The following ENDOD1 variants were observed in gnomAD, a reference collection of about 807,000 sequenced individuals.
The protein encoded by ENDOD1 is endonuclease domain-containing 1 protein.
Under a neutral mutation model 6.5 loss-of-function variants are expected in ENDOD1, and 9 were observed. The ratio of observed to expected loss-of-function variants is 1.39; its 90% CI spans 0.84 to 2.43. The LOEUF is 2.43. Ranked by LOEUF, ENDOD1 falls within the 30% of genes most tolerant of loss-of-function variation. The pLI is 0.00. For missense variants in ENDOD1, 648 were observed against 635.5 expected (o/e 1.02, Z -0.21); for synonymous variants, 255 against 255.2 (o/e 1.00, Z 0.01).
At chr11:95,100,291 A>G (rs1859025501) in intron 1 of ENDOD1, among the ~76,000 whole-genome samples, 1 of 151,968 alleles carries the variant, frequency 6.6e-6, no homozygotes, top group African/African-American at 2.4e-5. Context: ...GTTCTCCTCT[A>G]TCCTTTCTCT....
rs1390291828 is a variant in ENDOD1 at position 95,129,227 on chromosome 11, T to C, written c.1151T>C (p.Ile384Thr). 4 of 1,614,074 alleles carry C rather than the reference T, an allele frequency of 2.5e-6. No individual in the cohort carries two copies. The African/African-American group carries it at 5.3e-5, about 22-fold the overall frequency. ...SCLYRLGSAT[I>T]SYFMAIGEEL... Reference sequence around the variant, plus strand: ...CTTTACCGCCTGGGCTCAGCCACCATCTCATACTTCATGGCCATTGGGGAA... The same window carrying C: ...CTTTACCGCCTGGGCTCAGCCACCACCTCATACTTCATGGCCATTGGGGAA... Residue 384 changes from isoleucine (I) to threonine (T), a missense_variant, in exon 2 of 2, where the codon ATC (isoleucine) becomes ACC (threonine). Ile to Thr is a moderately conservative substitution (Grantham distance 89). Coordinates refer to ENST00000278505, the MANE Select transcript of ENDOD1 (RefSeq NM_015036.3).
At position 95,128,434 on chromosome 11, in the gene ENDOD1, T is replaced by C. The variant is rs369151620; in HGVS notation, c.358T>C (p.Ser120Pro). ...GATTAATGAGGCAGAGGCCATCACCTCTGTGAACAGCCTGGGAAGCAAGCA... is the reference window on the plus strand; with the variant it reads ...GATTAATGAGGCAGAGGCCATCACCCCTGTGAACAGCCTGGGAAGCAAGCA... ...EAINEAEAITSVNSLGSKQAL... is the reference protein window; with the variant it reads ...EAINEAEAITPVNSLGSKQAL... Residue 120 changes from serine to proline, a missense_variant, in exon 2 of 2, where the codon TCT (serine) becomes CCT (proline). Coordinates refer to ENST00000278505, the MANE Select transcript of ENDOD1 (RefSeq NM_015036.3). The C allele has an allele frequency of 2.0e-5, 32 of 1,614,082 alleles. No individual in the cohort carries two copies. Among genetic ancestry groups the C allele is most frequent in the Non-Finnish European group, 2.7e-5 (32 of 1,180,024 alleles).
Position 95,103,100 on chromosome 11 carries a change from G to A in ENDOD1, c.300+12873G>A, listed in dbSNP as rs674973. ...GGAAGCTAAGGAACTAGGCAGAGTG[G>A]GTGTGTGTGTGTGTGTGTGTGTGTG... On this transcript the variant is annotated intron_variant, in intron 1 of 1. Transcript: ENST00000278505. Among the ~76,000 whole-genome samples, 115 of 85,614 alleles carry A rather than the reference G, an allele frequency of 1.3e-3. 1 individual carries two copies. Among genetic ancestry groups the A allele is most frequent in the Non-Finnish European group, 2.9e-3 (98 of 33,504 alleles). 56.2% of individuals were successfully genotyped at this position (85,614 alleles called of 152,430 possible).
intron 1 of ENDOD1, among the ~76,000 whole-genome samples, chr11:95,092,880 C>A (rs1858944590): frequency 6.6e-6 from 1 of 152,232 alleles, no homozygotes; most frequent in African/African-American, 2.4e-5. Flanking sequence ...AATGCTGAGT[C>A]TCCTTGTACC....
chr11:95,115,232 A>G (rs1555112367), intron 1 of ENDOD1, among the ~76,000 whole-genome samples: 2 of 151,672 alleles, frequency 1.3e-5, no homozygotes, highest in African/African-American at 2.4e-5. Context: ...AATCCTAGGT[A>G]TTTACTTTGA....
intron 1 of ENDOD1, among the ~76,000 whole-genome samples, chr11:95,109,150 C>T (rs1303982176): frequency 1.3e-5 from 2 of 152,226 alleles, no homozygotes; most frequent in African/African-American, 2.4e-5. Flanking sequence ...TTTGTCCCCA[C>T]GGAGTTGGAT....
At chr11:95,102,650 T>C (rs1859052019) in intron 1 of ENDOD1, among the ~76,000 whole-genome samples, 1 of 151,842 alleles carries the variant, frequency 6.6e-6, no homozygotes, top group East Asian at 1.9e-4. Context: ...CCAGCCTGGC[T>C]GACAGAGCAA....
intron 1 of ENDOD1, among the ~76,000 whole-genome samples, chr11:95,110,286 T>C (rs1336356181): frequency 6.6e-6 from 1 of 152,238 alleles, no homozygotes; most frequent in African/African-American, 2.4e-5. Context: ...CAGAAGACGC[T>C]GACTCTTCTC....
intron 1 of ENDOD1, among the ~76,000 whole-genome samples, chr11:95,121,857 A>G (rs1208478842): frequency 2.0e-5 from 3 of 152,218 alleles, no homozygotes; most frequent in Admixed American, 6.5e-5. Context: ...GAATACAGGA[A>G]CTGTATCAAA....
intron 1 of ENDOD1, among the ~76,000 whole-genome samples, chr11:95,099,984 C>T (rs371365427): frequency 4.6e-5 from 7 of 152,126 alleles, no homozygotes; most frequent in South Asian, 2.1e-4. Context: ...TCTCGGGACA[C>T]GCAGAAACAC....
At chr11:95,127,802 C>T (rs1859325688) in intron 1 of ENDOD1, among the ~76,000 whole-genome samples, 2 of 151,742 alleles carry the variant, frequency 1.3e-5, no homozygotes, top group Admixed American at 6.6e-5. Flanking sequence ...CTCTGTTGCC[C>T]CGGCTGGAGT....
At chr11:95,094,525 G>T (rs1159988288) in intron 1 of ENDOD1, among the ~76,000 whole-genome samples, 2 of 152,194 alleles carry the variant, frequency 1.3e-5, no homozygotes, top group African/African-American at 4.8e-5. Flanking sequence ...TGGAATGAAG[G>T]GGATATTCTG....
At chr11:95,094,695 G>A (rs1858966644) in intron 1 of ENDOD1, among the ~76,000 whole-genome samples, 1 of 152,182 alleles carries the variant, frequency 6.6e-6, no homozygotes, top group African/African-American at 2.4e-5. Flanking sequence ...TGTTCAATTT[G>A]TTCCAACCTC....
rs953535823 is a variant in ENDOD1, at chr11:95,128,422, G to C, written c.346G>C (p.Glu116Gln). Residue 116 changes from glutamate to glutamine, a missense_variant, in exon 2 of 2, where the codon GAG becomes CAG. Transcript: ENST00000278505. The stretch of plus-strand genomic sequence containing the variant: ...CCTTGAGGAGGCGATTAATGAGGCA[G>C]AGGCCATCACCTCTGTGAACAGCCT... Reference protein sequence around the residue: ...SNLEEAINEAEAITSVNSLGS... With the variant: ...SNLEEAINEAQAITSVNSLGS... 1.9e-6 allele frequency: 3 copies of C among 1,614,044 alleles called. No individual in the cohort carries two copies. The highest frequency in any genetic ancestry group is 1.7e-5 in the Admixed American group (1 of 60,012).
intron 1 of ENDOD1, among the ~76,000 whole-genome samples, chr11:95,114,011 C>T (rs147733749): frequency 1.3e-5 from 2 of 152,306 alleles, no homozygotes; most frequent in African/African-American, 2.4e-5. Flanking sequence ...TTGCATTTCT[C>T]TGATGGTTGA....
rs1555109615 is a variant in ENDOD1 at position 95,089,960 on chromosome 11, C to T, written c.33C>T (p.Ser11=). The part of the protein sequence containing the change: MGTARWLALG[S]LFALAGLLEG... ...CCGCGCGCTGGCTCGCGCTGGGCAG[C>T]CTCTTCGCCCTGGCTGGGCTGCTGG... The change falls in exon 1 of 2, where the codon AGC becomes AGT. Residue 11 remains serine, a synonymous_variant. Transcript: ENST00000278505. The T allele has an allele frequency of 1.3e-6, 2 of 1,509,354 alleles. No individual in the cohort carries two copies. The highest frequency in any genetic ancestry group is 1.2e-5 in the South Asian group (1 of 80,110). The allele number at this position is 1,509,354 out of a possible 1,614,324, so 93.5% of individuals were successfully genotyped here. A position where few individuals can be genotyped will look rare whatever the true frequency, so the allele number is the denominator to read the frequency against.
intron 1 of ENDOD1, among the ~76,000 whole-genome samples, chr11:95,125,167 G>A (rs1859299605): frequency 6.6e-6 from 1 of 152,006 alleles, no homozygotes; most frequent in African/African-American, 2.4e-5. Flanking sequence ...CTCCCCCTAT[G>A]CTCTGCCACA....
At chr11:95,112,558 C>G (rs1859161605) in intron 1 of ENDOD1, among the ~76,000 whole-genome samples, 1 of 152,232 alleles carries the variant, frequency 6.6e-6, no homozygotes, top group Non-Finnish European at 1.5e-5. Flanking sequence ...TAACCTGTCA[C>G]TTTTCCTTAC....
chr11:95,118,136 TG>T (rs782424070), intron 1 of ENDOD1, among the ~76,000 whole-genome samples: 13 of 152,340 alleles, frequency 8.5e-5, no homozygotes, highest in Non-Finnish European at 1.5e-4. Flanking sequence ...CCTGGAAAGT[TG>T]TTGTAGTTAC....
Sources: allele counts gnomAD v4.1 joint callset (sites outside exome capture counted in the v4.1 genomes callset), GRCh38; gene constraint gnomAD v4.1.1; transcripts MANE v1.5; gene names NCBI Gene and HGNC (gene_info 2026-07-23, HGNC 2026-07-21).